The following BMP5 variants were observed in gnomAD, a reference collection of about 807,000 sequenced individuals.
The protein encoded by BMP5 is bone morphogenetic protein 5.
BMP5 carries 23 observed loss-of-function variants against 46.6 expected under a neutral mutation model. That is an observed-to-expected ratio of 0.49 (90% confidence interval 0.35 to 0.70). The LOEUF is 0.70. Among genes scored for constraint, BMP5 ranks in the 30% least tolerant of loss-of-function variants. The pLI, the probability that BMP5 is intolerant of heterozygous loss-of-function variation, is 0.00. For missense variants in BMP5, 545 were observed against 565.6 expected (o/e 0.96, Z 0.37); for synonymous variants, 204 against 191.9 (o/e 1.06, Z -0.52).
intron 4 of BMP5, among the ~76,000 whole-genome samples, chr6:55,770,848 C>T (rs1027923718): frequency 2.6e-5 from 4 of 151,768 alleles, no homozygotes; most frequent in Non-Finnish European, 5.9e-5. Flanking sequence ...GGGTAATGAC[C>T]GATCGTTGGA....
intron 1 of BMP5, among the ~76,000 whole-genome samples, chr6:55,838,016 C>T (rs369923467): frequency 3.9e-5 from 6 of 152,262 alleles, no homozygotes; most frequent in African/African-American, 1.4e-4. Flanking sequence ...CTGAATAATA[C>T]TCCATTGAGT....
chr6:55,785,008 G>A (rs113904348), intron 3 of BMP5, among the ~76,000 whole-genome samples: 2,196 of 151,816 alleles, frequency 0.014, 50 homozygotes, highest in African/African-American at 0.05. Flanking sequence ...TAGCAAAATG[G>A]TTAACACTGA....
chr6:55,761,628 T>A (rs983679635), intron 4 of BMP5, among the ~76,000 whole-genome samples: 1 of 152,090 alleles, frequency 6.6e-6, no homozygotes, highest in Non-Finnish European at 1.5e-5. Context: ...CATGGCTAAT[T>A]CCTGCATCTT....
intron 1 of BMP5, among the ~76,000 whole-genome samples, chr6:55,833,634 T>C (rs555076296): frequency 2.0e-5 from 3 of 152,302 alleles, no homozygotes; most frequent in African/African-American, 7.2e-5. Flanking sequence ...TCTGAAAGAA[T>C]GAAGGGCTAA....
chr6:55,813,365 TG>T (rs1776179008), intron 2 of BMP5, among the ~76,000 whole-genome samples: 1 of 152,010 alleles, frequency 6.6e-6, no homozygotes, highest in East Asian at 1.9e-4. Context: ...GAATATTTGA[TG>T]GGTTCCTTCA....
Position 55,794,320 on chromosome 6 carries a change from T to G in BMP5, c.791A>C (p.Gln264Pro). ...ACAGAGCTGTAAGCCCAAATTATTC[T>G]GGGGATTAATCACCCAATGATTGCT... Reference protein sequence around the residue: ...VTSNHWVINPQNNLGLQLCAE... With the variant: ...VTSNHWVINPPNNLGLQLCAE... Residue 264 changes from glutamine (Q) to proline (P), a missense_variant, in exon 3 of 7, where the codon CAG becomes CCG. Coordinates refer to ENST00000370830, the MANE Select transcript of BMP5 (RefSeq NM_021073.4). 1 of 1,614,026 alleles carries G rather than the reference T, an allele frequency of 6.2e-7. No homozygotes were observed.
chr6:55,778,256 T>C (rs1006832494), intron 3 of BMP5, among the ~76,000 whole-genome samples: 12 of 151,836 alleles, frequency 7.9e-5, no homozygotes, highest in African/African-American at 1.2e-4. Flanking sequence ...GGGGTGGTAA[T>C]AGGAGGTAAA....
At chr6:55,826,366 TTAGA>T (rs1315205164) in intron 1 of BMP5, among the ~76,000 whole-genome samples, 2 of 151,802 alleles carry the variant, frequency 1.3e-5, no homozygotes, top group Non-Finnish European at 3.0e-5. Context: ...CAAAGAATTA[TTAGA>T]TAGTTAAATA....
chr6:55,772,864 T>C, intron 4 of BMP5: 1 of 985,064 alleles, frequency 1.0e-6, no homozygotes, highest in Non-Finnish European at 1.2e-6. Context: ...GTGCCTACCC[T>C]TTAGGAAAAG....
At chr6:55,760,316 A>T (rs1368520726) in intron 5 of BMP5, 141 bp downstream of exon 5, 1 of 743,762 alleles carries the variant, frequency 1.3e-6, no homozygotes, top group Non-Finnish European at 2.3e-6. Context: ...AAATGAAAAT[A>T]AAGTGAATAA....
intron 1 of BMP5, among the ~76,000 whole-genome samples, chr6:55,839,871 A>AT: frequency 6.6e-6 from 1 of 152,120 alleles, no homozygotes; most frequent in Admixed American, 6.5e-5. Flanking sequence ...TGTCTATTCA[A>AT]TTTTTTGTCT....
At chr6:55,846,682 C>T (rs926911241) in intron 1 of BMP5, among the ~76,000 whole-genome samples, 1 of 151,806 alleles carries the variant, frequency 6.6e-6, no homozygotes, top group Admixed American at 6.6e-5. Flanking sequence ...TCTGCTCTTT[C>T]ATTTTGATGT....
chr6:55,842,923 A>C (rs1582111744), intron 1 of BMP5, among the ~76,000 whole-genome samples: 1 of 152,122 alleles, frequency 6.6e-6, no homozygotes, highest in East Asian at 1.9e-4. Flanking sequence ...TCAACTGTAA[A>C]ATATTATTTC....
At chr6:55,872,852 T>G (rs1184549898) in intron 1 of BMP5, among the ~76,000 whole-genome samples, 1 of 151,820 alleles carries the variant, frequency 6.6e-6, no homozygotes, top group African/African-American at 2.4e-5. Flanking sequence ...GAATAATACT[T>G]TAGAAATGTT....
chr6:55,839,495 T>C (rs1272561002), intron 1 of BMP5, among the ~76,000 whole-genome samples: 1 of 152,060 alleles, frequency 6.6e-6, no homozygotes, highest in Non-Finnish European at 1.5e-5. Context: ...TTCAATTTTT[T>C]GTAAAGACAG....
intron 1 of BMP5, among the ~76,000 whole-genome samples, chr6:55,854,128 A>G (rs1777325654): frequency 1.3e-5 from 2 of 152,158 alleles, no homozygotes; most frequent in Non-Finnish European, 2.9e-5. Flanking sequence ...TGAATTTCTA[A>G]CCAATTTCTT....
chr6:55,831,600 G>C (rs1438755172), intron 1 of BMP5, among the ~76,000 whole-genome samples: 1 of 150,804 alleles, frequency 6.6e-6, no homozygotes, highest in Non-Finnish European at 1.5e-5. Flanking sequence ...TCTCAAAAAA[G>C]AGAGCAATTA....
chr6:55,771,751 G>T (rs1775051856), intron 4 of BMP5, among the ~76,000 whole-genome samples: 2 of 151,824 alleles, frequency 1.3e-5, no homozygotes, highest in Non-Finnish European at 2.9e-5. Context: ...AAAAAACCCA[G>T]CAATCAGGCA....
At chr6:55,831,047 A>G (rs1331053865) in intron 1 of BMP5, among the ~76,000 whole-genome samples, 9 of 152,094 alleles carry the variant, frequency 5.9e-5, no homozygotes, top group Non-Finnish European at 8.8e-5. Context: ...AGCATACTCA[A>G]GACAGAGGAA....
Sources: gnomAD v4.1 joint callset for allele counts (sites outside exome capture counted in the v4.1 genomes callset) on GRCh38, gnomAD v4.1.1 for gene constraint, MANE v1.5 for transcripts, NCBI Gene and HGNC (gene_info 2026-07-23, HGNC 2026-07-21) for gene names.